PHACTR3: variants seen among roughly 807,000 people sequenced by gnomAD.
PHACTR3 encodes phosphatase and actin regulator 3.
Under a neutral mutation model 66.8 loss-of-function variants are expected in PHACTR3, and 16 were observed. The ratio of observed to expected loss-of-function variants is 0.24; its 90% CI spans 0.16 to 0.36. The LOEUF (loss-of-function observed/expected upper bound fraction) is 0.36. PHACTR3 is among the 10% of genes least tolerant of loss of function. The pLI, the probability that PHACTR3 is intolerant of heterozygous loss-of-function variation, is 1.00. For missense variants in PHACTR3, 647 were observed against 719.9 expected (o/e 0.90, Z 1.16); for synonymous variants, 323 against 292.1 (o/e 1.11, Z -1.08).
chr20:59,605,121 G>C lies in PHACTR3; in HGVS notation c.107G>C (p.Gly36Ala), dbSNP rs1281634890. Residue 36 changes from glycine (G) to alanine (A), a missense_variant, in exon 1 of 13, where the codon GGG (glycine) becomes GCG (alanine). Physicochemically the swap from Gly to Ala is moderately conservative, Grantham distance 60. Around this residue, in one of 2 missense-constraint regions of PHACTR3, gnomAD observed 577 missense variants for 571.1 expected, o/e 1.01. Coordinates refer to ENST00000371015, the MANE Select transcript of PHACTR3 (RefSeq NM_080672.5). ...DSSATSSADAGENPDEMDQTP... is the reference protein window; with the variant it reads ...DSSATSSADAAENPDEMDQTP... Reference sequence around the variant, plus strand: ...TCGGCCACCTCCTCCGCGGACGCCGGGGAGAACCCAGGTAACGGGCTGGGC... The same window carrying C: ...TCGGCCACCTCCTCCGCGGACGCCGCGGAGAACCCAGGTAACGGGCTGGGC... The C allele has an allele frequency of 5.1e-6, 7 of 1,366,642 alleles. No homozygotes were observed. The South Asian group carries it at 1.3e-4, about 25-fold the overall frequency. 84.7% of individuals were successfully genotyped at this position (1,366,642 alleles called of 1,614,324 possible). A position where few individuals can be genotyped will look rare whatever the true frequency, so the allele number is the denominator to read the frequency against.
rs769182408 is a variant in PHACTR3 at position 59,743,291 on chromosome 20, G to T, written c.280+23G>T. 32 of 1,612,362 alleles carry T rather than the reference G, an allele frequency of 2.0e-5. No homozygotes were observed. The African/African-American group carries it at 2.3e-4, about 11-fold the overall frequency. ...CAGGTAAAGGCCTGGTGACAGGCGC[G>T]GGCAGGCTGTGGCTGGGACCAGCGT... is the stretch of plus-strand genomic sequence containing the variant. On this transcript the variant is annotated intron_variant, in intron 2 of 12. Coordinates refer to ENST00000371015, the MANE Select transcript of PHACTR3 (RefSeq NM_080672.5).
At chr20:59,686,873 T>G (rs2036906378) in intron 1 of PHACTR3, among the ~76,000 whole-genome samples, 1 of 150,224 alleles carries the variant, frequency 6.7e-6, no homozygotes, top group Non-Finnish European at 1.5e-5. Context: ...GTGGTGATTG[T>G]GATGATGGTG....
rs1284455186 is a variant in PHACTR3 at position 59,605,010 on chromosome 20, G to A, written c.-5G>A. ...CTCTAACTTGCCCCCGCGCCGGCCGGGCCCATGGCCGCGTCGGAGGACGGG... is the reference window on the plus strand; with the variant it reads ...CTCTAACTTGCCCCCGCGCCGGCCGAGCCCATGGCCGCGTCGGAGGACGGG... On this transcript the variant is annotated 5_prime_UTR_variant, in exon 1 of 13. Coordinates refer to ENST00000371015, the MANE Select transcript of PHACTR3 (RefSeq NM_080672.5). 2 of 1,322,124 alleles carry A rather than the reference G, an allele frequency of 1.5e-6. No individual in the cohort carries two copies. The highest frequency in any genetic ancestry group is 1.9e-6 in the Non-Finnish European group (2 of 1,029,494). 81.9% of individuals were successfully genotyped at this position (1,322,124 alleles called of 1,614,324 possible).
At chr20:59,670,613 G>GA (rs1491265008) in intron 1 of PHACTR3, among the ~76,000 whole-genome samples, 1 of 132,616 alleles carries the variant, frequency 7.5e-6, no homozygotes, top group Non-Finnish European at 1.6e-5. Context: ...GGTGGGGGGG[G>GA]GGGGCAGGCA....
intron 1 of PHACTR3, among the ~76,000 whole-genome samples, chr20:59,647,394 A>G (rs910546760): frequency 1.3e-5 from 2 of 152,150 alleles, no homozygotes; most frequent in African/African-American, 4.8e-5. Context: ...GGACACAGCC[A>G]AACCATATCA....
At chr20:59,759,046 AC>A (rs2039906289) in intron 4 of PHACTR3, among the ~76,000 whole-genome samples, 1 of 152,166 alleles carries the variant, frequency 6.6e-6, no homozygotes, top group African/African-American at 2.4e-5. Context: ...ATTGTCAAAA[AC>A]AACCCTTGGA....
At chr20:59,751,009 C>T (rs991302519) in intron 3 of PHACTR3, among the ~76,000 whole-genome samples, 4 of 152,222 alleles carry the variant, frequency 2.6e-5, no homozygotes, top group Non-Finnish European at 5.9e-5. Context: ...GCTGGGTCAC[C>T]GGGTCCTCTT....
chr20:59,609,277 C>T lies in PHACTR3; in HGVS notation c.118+4145C>T, dbSNP rs189175006. 1.7e-3 allele frequency among the ~76,000 whole-genome samples: 252 copies of T among 152,202 alleles called. 1 individual carries two copies. The highest frequency in any genetic ancestry group is 5.7e-3 in the African/African-American group (238 of 41,534). ...TGGGCTCAGGGCATCCCATGCTGGC[C>T]CCTTCCTCTTTTATGCCACTCTGCC... On this transcript the variant is annotated intron_variant, in intron 1 of 12. Coordinates refer to ENST00000371015, the MANE Select transcript of PHACTR3 (RefSeq NM_080672.5).
At chr20:59,584,507 TTACA>T (rs1178659496) in intron 1 of PHACTR3, among the ~76,000 whole-genome samples, 3 of 152,058 alleles carry the variant, frequency 2.0e-5, no homozygotes, top group Non-Finnish European at 2.9e-5. Flanking sequence ...TGCATGAATA[TTACA>T]TGCATGAGTG....
chr20:59,800,915 G>A (rs1260741653), intron 7 of PHACTR3, among the ~76,000 whole-genome samples: 1 of 147,748 alleles, frequency 6.8e-6, no homozygotes, highest in Non-Finnish European at 1.5e-5. Flanking sequence ...TCCAGAGGCA[G>A]AACCCCGTGT....
At chr20:59,844,183 G>A (rs180986711) in intron 11 of PHACTR3, 5 of 152,178 alleles carry the variant, frequency 3.3e-5, no homozygotes, top group Admixed American at 3.3e-4. Context: ...GAAAGGATTA[G>A]GAGAAAAGTG....
chr20:59,775,269 G>A (rs889319935), intron 7 of PHACTR3, among the ~76,000 whole-genome samples: 1 of 152,196 alleles, frequency 6.6e-6, no homozygotes, highest in Non-Finnish European at 1.5e-5. Context: ...GAAGGTCCAG[G>A]GCGGCCGTGG....
upstream of PHACTR3, among the ~76,000 whole-genome samples, chr20:59,601,946 C>G (rs1378995409): frequency 6.6e-6 from 1 of 152,164 alleles, no homozygotes; most frequent in African/African-American, 2.4e-5. Flanking sequence ...CATCCATACA[C>G]AGTTTGGTGG....
chr20:59,642,479 T>C lies in PHACTR3; in HGVS notation c.118+37347T>C, dbSNP rs552765518. Among the ~76,000 whole-genome samples the C allele has an allele frequency of 3.4e-5, 5 of 148,786 alleles. No homozygotes were observed. The East Asian group carries it at 1.1e-3, about 31-fold the overall frequency. ...GTGTGTTCCTCCAGTACTTTTCCTA[T>C]AGAAACATTTTTCCCGTGTCGGGAT... On this transcript the variant is annotated intron_variant, in intron 1 of 12. Transcript: ENST00000371015.
chr20:59,639,144 G>C (rs906417483), intron 1 of PHACTR3, among the ~76,000 whole-genome samples: 102 of 152,008 alleles, frequency 6.7e-4, no homozygotes, highest in African/African-American at 2.3e-3. Flanking sequence ...AGATATATGA[G>C]TGGGTAGGTG....
At chr20:59,831,386 C>T (rs2042370982) in intron 8 of PHACTR3, among the ~76,000 whole-genome samples, 1 of 152,192 alleles carries the variant, frequency 6.6e-6, no homozygotes, top group Non-Finnish European at 1.5e-5. Flanking sequence ...CCGGCAGATG[C>T]TGCTCTCTGT....
chr20:59,842,014 C>T (rs191508007), intron 11 of PHACTR3, among the ~76,000 whole-genome samples: 51 of 152,304 alleles, frequency 3.3e-4, no homozygotes, highest in African/African-American at 9.9e-4. Context: ...AAAGCCTCTA[C>T]AGTATAGAAA....
chr20:59,708,100 G>A (rs1396124620), intron 1 of PHACTR3, among the ~76,000 whole-genome samples: 2 of 152,194 alleles, frequency 1.3e-5, no homozygotes, highest in Non-Finnish European at 2.9e-5. Context: ...GTGATGCTCT[G>A]ATTTGATTGG....
chr20:59,740,097 G>A (rs1013280122), intron 1 of PHACTR3, among the ~76,000 whole-genome samples: 6 of 152,068 alleles, frequency 3.9e-5, no homozygotes, highest in East Asian at 1.9e-4. Flanking sequence ...AGTGACCAGC[G>A]TTTACTCCAT....
Sources: gnomAD v4.1 joint callset for allele counts (sites outside exome capture counted in the v4.1 genomes callset) on GRCh38, gnomAD v4.1.1 for gene constraint, gnomAD v4.1.1 regional missense constraint, MANE v1.5 for transcripts, NCBI Gene and HGNC (gene_info 2026-07-23, HGNC 2026-07-21) for gene names.